The following LRRK2 variants were observed in gnomAD, a reference collection of about 807,000 sequenced individuals.
The protein encoded by LRRK2 is leucine-rich repeat serine/threonine-protein kinase 2.
Under a neutral mutation model 302.6 loss-of-function variants are expected in LRRK2, and 203 were observed. The observed-to-expected ratio is 0.67, with a 90% CI of 0.60 to 0.75. LRRK2 has a LOEUF of 0.75. Ranked by LOEUF, LRRK2 falls within the 30% of genes least tolerant of loss-of-function variation. The pLI is 0.00. For synonymous variants in LRRK2, 1,066 were observed against 1,031.9 expected (o/e 1.03, Z -0.63); for missense variants, 2,830 against 2,951.0 (o/e 0.96, Z 0.95).
At chr12:40,250,382 C>T (rs1412083111) in intron 8 of LRRK2, among the ~76,000 whole-genome samples, 2 of 151,658 alleles carry the variant, frequency 1.3e-5, no homozygotes, top group Non-Finnish European at 2.9e-5. Context: ...CCCAGCTGCT[C>T]GGGAGGCCGA....
At chr12:40,270,526 G>C (rs974081210) in intron 14 of LRRK2, among the ~76,000 whole-genome samples, 1 of 151,802 alleles carries the variant, frequency 6.6e-6, no homozygotes, top group Admixed American at 6.6e-5. Context: ...AGTTTTGTTG[G>C]TTGTAAAATA....
intron 14 of LRRK2, among the ~76,000 whole-genome samples, chr12:40,271,663 G>A (rs1943236794): frequency 6.6e-6 from 1 of 152,082 alleles, no homozygotes. Context: ...TTGTGGGCTT[G>A]TAAATATCAT....
intron 28 of LRRK2, among the ~76,000 whole-genome samples, chr12:40,307,475 C>T (rs1343166728): frequency 6.6e-6 from 1 of 151,996 alleles, no homozygotes; most frequent in African/African-American, 2.4e-5. Context: ...TCAGGTTTTA[C>T]ATTAAGATCA....
Position 40,320,116 on chromosome 12 carries a change from C to T in LRRK2, c.4956C>T (p.Leu1652=), listed in dbSNP as rs1945354935. 6.2e-7 allele frequency: 1 copy of T among 1,611,606 alleles called. No individual in the cohort carries two copies. Among genetic ancestry groups the T allele is most frequent in the Admixed American group, 1.7e-5 (1 of 59,624 alleles). ...PKNYMSQYFK[L]LEKFQIALPI... Reference sequence around the variant, plus strand: ...ACTACATGTCACAGTATTTTAAGCTCCTAGAAAAATTCCAGATTGCTTTGC... The same window carrying T: ...ACTACATGTCACAGTATTTTAAGCTTCTAGAAAAATTCCAGATTGCTTTGC... The change falls in exon 34 of 51, where the codon CTC becomes CTT. Residue 1652 remains leucine, a synonymous_variant. Coordinates refer to ENST00000298910, the MANE Select transcript of LRRK2 (RefSeq NM_198578.4).
chr12:40,254,253 T>C (rs1236488679), intron 11 of LRRK2, among the ~76,000 whole-genome samples: 1 of 152,032 alleles, frequency 6.6e-6, no homozygotes, highest in Non-Finnish European at 1.5e-5. Context: ...ATAGAGAAAC[T>C]GGGTAGGGTG....
At position 40,310,442 on chromosome 12, in the gene LRRK2, T is replaced by G; in HGVS notation, c.4329T>G (p.Ser1443=). 1.9e-6 allele frequency: 3 copies of G among 1,613,472 alleles called. No individual in the cohort carries two copies. Among genetic ancestry groups the G allele is most frequent in the Non-Finnish European group, 2.5e-6 (3 of 1,179,808 alleles). Residue 1443 remains serine, a synonymous_variant, in exon 31 of 51, where the codon TCT becomes TCG. Coordinates refer to ENST00000298910, the MANE Select transcript of LRRK2 (RefSeq NM_198578.4). ...PWLFNIKARA[S]SSPVILVGTH... ...GTCTTTCCCTCCAGGCTCGCGCTTC[T>G]TCTTCCCCTGTGATTCTCGTTGGCA...
chr12:40,231,857 G>A lies in LRRK2; in HGVS notation c.238-417G>A, dbSNP rs184329100. ...CTTGCTCTGTCATCCAGGCTAGAGTGCAGTGGCACAATCTTGGCTCACTGC... is the reference window on the plus strand; with the variant it reads ...CTTGCTCTGTCATCCAGGCTAGAGTACAGTGGCACAATCTTGGCTCACTGC... On this transcript the variant is annotated intron_variant, in intron 2 of 50. Transcript: ENST00000298910. Among the ~76,000 whole-genome samples the A allele has an allele frequency of 6.0e-5, 9 of 150,468 alleles. No homozygotes were observed. In the East Asian group the frequency reaches 1.6e-3, roughly 26 times the overall value.
intron 2 of LRRK2, chr12:40,227,928 A>G (rs1277922213): frequency 2.0e-5 from 3 of 151,494 alleles, no homozygotes; most frequent in Non-Finnish European, 2.9e-5. Context: ...TTAGTTTCAA[A>G]CTCCTGACCT....
At chr12:40,267,795 A>C (rs1279947358) in intron 14 of LRRK2, among the ~76,000 whole-genome samples, 2 of 152,146 alleles carry the variant, frequency 1.3e-5, no homozygotes, top group African/African-American at 4.8e-5. Flanking sequence ...GGCTCTAAAA[A>C]ATGAGAGCAA....
chr12:40,304,483 G>T (rs951712539), intron 27 of LRRK2: 1 of 266,068 alleles, frequency 3.8e-6, no homozygotes, highest in Non-Finnish European at 7.0e-6. Flanking sequence ...ATATAAATTT[G>T]TCTACCCAAC....
At chr12:40,334,455 A>T (rs1331217025) in intron 39 of LRRK2, among the ~76,000 whole-genome samples, 1 of 152,206 alleles carries the variant, frequency 6.6e-6, no homozygotes, top group African/African-American at 2.4e-5. Context: ...GTTGACTGGA[A>T]GCTTTACTGA....
chr12:40,297,804 A>C (rs1217440831), intron 23 of LRRK2, among the ~76,000 whole-genome samples: 1 of 152,198 alleles, frequency 6.6e-6, no homozygotes, highest in Non-Finnish European at 1.5e-5. Flanking sequence ...AATGAAACAC[A>C]TTATAAGTAA....
intron 47 of LRRK2, 34 bp downstream of exon 47, chr12:40,359,478 C>T (rs1555196092): frequency 6.3e-7 from 1 of 1,579,150 alleles, no homozygotes. Context: ...AGTAATTTAT[C>T]ATTATACTTT....
intron 14 of LRRK2, among the ~76,000 whole-genome samples, chr12:40,264,364 T>C (rs1298193823): frequency 3.3e-5 from 5 of 152,196 alleles, no homozygotes; most frequent in Admixed American, 6.5e-5. Context: ...CCCACACCTG[T>C]AATCCCAGCA....
intron 2 of LRRK2, among the ~76,000 whole-genome samples, chr12:40,229,955 C>CTT (rs71078229): frequency 0.056 from 5,147 of 92,676 alleles, 499 homozygotes; most frequent in East Asian, 0.1. Context: ...TCCTATGTGA[C>CTT]TTTTTTTTTT....
At chr12:40,250,729 G>C (rs1942226812) in intron 8 of LRRK2, among the ~76,000 whole-genome samples, 1 of 152,090 alleles carries the variant, frequency 6.6e-6, no homozygotes, top group South Asian at 2.1e-4. Flanking sequence ...TCATTGTTCA[G>C]CTCCCATTTA....
chr12:40,294,784 A>G (rs1944314140), intron 21 of LRRK2, 61 bp from the exon 22 acceptor site: 3 of 972,472 alleles, frequency 3.1e-6, no homozygotes, highest in South Asian at 2.8e-5. Context: ...TTCCTTCCTT[A>G]TAAAAATGTC....
At chr12:40,262,584 C>G (rs1942823186) in intron 13 of LRRK2, among the ~76,000 whole-genome samples, 1 of 152,110 alleles carries the variant, frequency 6.6e-6, no homozygotes, top group Admixed American at 6.6e-5. Flanking sequence ...AAAAAATTTA[C>G]AGTCCACACG....
At position 40,232,416 on chromosome 12, in the gene LRRK2, T is replaced by A. The variant is rs757314926; in HGVS notation, c.347+33T>A. ...TGATAGATATGTAAAACAAATGGCC[T>A]TGAGTATTTATTTGTACACATGACA... On this transcript the variant is annotated intron_variant, in intron 3 of 50. Coordinates refer to ENST00000298910, the MANE Select transcript of LRRK2 (RefSeq NM_198578.4). 7 of 1,494,794 alleles carry A rather than the reference T, an allele frequency of 4.7e-6. No individual in the cohort carries two copies. In the South Asian group the frequency reaches 7.9e-5, roughly 17 times the overall value. The allele number at this position is 1,494,794 out of a possible 1,614,324, so 92.6% of individuals were successfully genotyped here.
Sources: gnomAD v4.1 joint callset for allele counts (sites outside exome capture counted in the v4.1 genomes callset) on GRCh38, gnomAD v4.1.1 for gene constraint, MANE v1.5 for transcripts, NCBI Gene and HGNC (gene_info 2026-07-23, HGNC 2026-07-21) for gene names.